The following NCEH1 variants were observed in gnomAD, a reference collection of about 807,000 sequenced individuals.
The protein encoded by NCEH1 is neutral cholesterol ester hydrolase 1, also known as 2-acetyl MAGE hydrolase.
A neutral mutation model predicts 25.4 loss-of-function variants in NCEH1; 9 were observed. The observed-to-expected ratio is 0.35, with a 90% CI of 0.21 to 0.62. The LOEUF (loss-of-function observed/expected upper bound fraction) is 0.62, where lower values mean the gene tolerates loss of function less well. NCEH1 is among the 20% of genes least tolerant of loss of function. NCEH1 has a pLI of 0.72. For missense variants in NCEH1, 412 were observed against 501.1 expected (o/e 0.82, Z 1.70); for synonymous variants, 200 against 199.8 (o/e 1.00, Z -0.01).
chr3:172,641,448 G>T (rs778151893), intron 3 of NCEH1, among the ~76,000 whole-genome samples: 5 of 152,146 alleles, frequency 3.3e-5, no homozygotes, highest in Non-Finnish European at 5.9e-5. Context: ...CTCATAAGAG[G>T]TGATTCCATT....
Position 172,633,120 on chromosome 3 carries a change from G to C in NCEH1, c.*355C>G, listed in dbSNP as rs1265552500. 1 of 247,782 alleles carries C rather than the reference G, an allele frequency of 4.0e-6. No individual in the cohort carries two copies. The highest frequency in any genetic ancestry group is 7.9e-6 in the Non-Finnish European group (1 of 127,364). The allele number at this position is 247,782 out of a possible 1,614,324, so 15.3% of individuals were successfully genotyped here. On this transcript the variant is annotated 3_prime_UTR_variant, in exon 5 of 5. Coordinates refer to ENST00000475381, the MANE Select transcript of NCEH1 (RefSeq NM_020792.6). ...TTATTAAAGGTCACTCTATGATCCA[G>C]AGCTGGAAGAACTGCTTCTAAAAAG...
chr3:172,707,621 T>C (rs62281173), intron 1 of NCEH1, among the ~76,000 whole-genome samples: 18,879 of 152,114 alleles, frequency 0.12, 1,333 homozygotes, highest in Non-Finnish European at 0.17. Context: ...AGTCTCACAC[T>C]GTTGCCCAGG....
chr3:172,634,154 C>G (rs899945325), intron 4 of NCEH1, 62 bp from the exon 5 acceptor site: 1 of 1,496,474 alleles, frequency 6.7e-7, no homozygotes. Context: ...AGGAACCATA[C>G]CCTGTAGAGT....
intron 1 of NCEH1, among the ~76,000 whole-genome samples, chr3:172,683,493 G>T (rs1177037197): frequency 2.0e-5 from 3 of 150,578 alleles, no homozygotes; most frequent in Non-Finnish European, 2.9e-5. Context: ...AATATAGTGA[G>T]ACCTCTGTCT....
intron 3 of NCEH1, among the ~76,000 whole-genome samples, chr3:172,639,017 G>A (rs1042238243): frequency 1.4e-4 from 21 of 152,118 alleles, no homozygotes; most frequent in African/African-American, 3.6e-4. Context: ...GGCCAGGCAC[G>A]GTGGCTCACC....
chr3:172,662,599 A>AT (rs933778348), intron 1 of NCEH1, among the ~76,000 whole-genome samples: 1 of 151,994 alleles, frequency 6.6e-6, no homozygotes, highest in African/African-American at 2.4e-5. Context: ...TGGCCCTGGA[A>AT]TTTTTTTGGT....
rs567010258 is a variant in NCEH1, at chr3:172,695,921, G to A, written c.138+14926C>T. ...ATGGCACCACTGCACTCCAGCCTGGGTGACAGAGTGAGCCTCTGTCTCAAA... is the reference window on the plus strand; with the variant it reads ...ATGGCACCACTGCACTCCAGCCTGGATGACAGAGTGAGCCTCTGTCTCAAA... On this transcript the variant is annotated intron_variant, in intron 1 of 4. Coordinates refer to ENST00000475381, the MANE Select transcript of NCEH1 (RefSeq NM_020792.6). Among the ~76,000 whole-genome samples the A allele has an allele frequency of 7.9e-5, 12 of 151,986 alleles. No homozygotes were observed. The South Asian group carries it at 2.5e-3, about 32-fold the overall frequency.
intron 1 of NCEH1, among the ~76,000 whole-genome samples, chr3:172,694,631 C>G (rs773920146): frequency 5.9e-5 from 9 of 152,200 alleles, no homozygotes; most frequent in Non-Finnish European, 1.2e-4. Context: ...TGGAAAGGCA[C>G]AGGTGCCTGG....
At position 172,681,822 on chromosome 3, in the gene NCEH1, G is replaced by A. The variant is rs148268261; in HGVS notation, c.138+29025C>T. 2.9e-3 allele frequency among the ~76,000 whole-genome samples: 439 copies of A among 150,802 alleles called. 4 individuals carry two copies. The highest frequency in any genetic ancestry group is 9.6e-3 in the African/African-American group (393 of 40,912). ...CTCAGGATGCTGAGGCAGGAGAATCGCTTAAACCCATCCAGGAGGCAGAGG... is the reference window on the plus strand; with the variant it reads ...CTCAGGATGCTGAGGCAGGAGAATCACTTAAACCCATCCAGGAGGCAGAGG... On this transcript the variant is annotated intron_variant, in intron 1 of 4. Transcript: ENST00000475381.
In NCEH1 at chr3:172,711,008, C is replaced by A; in HGVS notation, c.-24G>T. The A allele has an allele frequency of 6.2e-7, 1 of 1,613,848 alleles. No individual in the cohort carries two copies. Among genetic ancestry groups the A allele is most frequent in the Non-Finnish European group, 8.5e-7 (1 of 1,180,002 alleles). The stretch of plus-strand genomic sequence containing the variant: ...ATCTTGCCCTGGCTCGGCTCGCCAG[C>A]GGGCTGGCAAAGAGGAAAGGGCGAT... On this transcript the variant is annotated 5_prime_UTR_variant, in exon 1 of 5. Coordinates refer to ENST00000475381, the MANE Select transcript of NCEH1 (RefSeq NM_020792.6).
intron 1 of NCEH1, among the ~76,000 whole-genome samples, chr3:172,688,327 C>A (rs1434331293): frequency 1.0e-5 from 1 of 100,352 alleles, no homozygotes; most frequent in African/African-American, 4.5e-5. Flanking sequence ...CGAAACTCCA[C>A]CTCAAAAAAA....
intron 1 of NCEH1, among the ~76,000 whole-genome samples, chr3:172,670,024 T>C (rs944535615): frequency 2.6e-5 from 4 of 152,248 alleles, no homozygotes; most frequent in African/African-American, 9.6e-5. Flanking sequence ...TTACTATTCA[T>C]ATTATAATTT....
At chr3:172,682,686 T>A (rs1712449855) in intron 1 of NCEH1, among the ~76,000 whole-genome samples, 1 of 152,230 alleles carries the variant, frequency 6.6e-6, no homozygotes, top group South Asian at 2.1e-4. Flanking sequence ...TTATTTATAA[T>A]CCCATGTTTA....
chr3:172,688,747 C>G (rs564906089), intron 1 of NCEH1, among the ~76,000 whole-genome samples: 117 of 152,214 alleles, frequency 7.7e-4, no homozygotes, highest in African/African-American at 2.6e-3. Context: ...AACAGTGTTA[C>G]GATAGGTGTC....
At chr3:172,671,159 G>C (rs1711597732) in intron 1 of NCEH1, among the ~76,000 whole-genome samples, 1 of 152,182 alleles carries the variant, frequency 6.6e-6, no homozygotes, top group Non-Finnish European at 1.5e-5. Flanking sequence ...CACACTTGTG[G>C]TAGCTGGATT....
At position 172,631,825 on chromosome 3, in the gene NCEH1, T is replaced by C. The variant is rs1031412096; in HGVS notation, c.*1650A>G. ...TCTACTTTCTCTCCGTGGTGCCCTG[T>C]ATCATTACTCAGCTCTGCTGCTGCT... is the stretch of plus-strand genomic sequence containing the variant. On this transcript the variant is annotated 3_prime_UTR_variant, in exon 5 of 5. Transcript: ENST00000475381. 6.6e-6 allele frequency: 1 copy of C among 152,650 alleles called. No homozygotes were observed. The highest frequency in any genetic ancestry group is 1.5e-5 in the Non-Finnish European group (1 of 68,042). The allele number at this position is 152,650 out of a possible 1,614,324, so 9.5% of individuals were successfully genotyped here.
At chr3:172,687,439 T>C (rs1712761561) in intron 1 of NCEH1, among the ~76,000 whole-genome samples, 1 of 152,174 alleles carries the variant, frequency 6.6e-6, no homozygotes, top group Non-Finnish European at 1.5e-5. Context: ...ATTCTGAATC[T>C]CTGAAGCACA....
At chr3:172,660,825 T>C (rs984048026) in intron 1 of NCEH1, among the ~76,000 whole-genome samples, 3 of 152,220 alleles carry the variant, frequency 2.0e-5, no homozygotes, top group Non-Finnish European at 2.9e-5. Context: ...ATGGGATTGA[T>C]TTTTTCTTGT....
intron 1 of NCEH1, among the ~76,000 whole-genome samples, chr3:172,650,812 GAAA>G (rs768170518): frequency 0.02 from 728 of 35,702 alleles, 1 homozygote; most frequent in African/African-American, 0.063. Context: ...ACTCTGCCTC[GAAA>G]AAAAAAAAAA....
Sources: gnomAD v4.1 joint callset for allele counts (sites outside exome capture counted in the v4.1 genomes callset) on GRCh38, gnomAD v4.1.1 for gene constraint, MANE v1.5 for transcripts, NCBI Gene and HGNC (gene_info 2026-07-23, HGNC 2026-07-21) for gene names.